Variants in SPATA31H1 observed in about 807,000 individuals in gnomAD.
SPATA31H1 encodes spermatogenesis-associated protein 31H1.
the SPATA31H1 span, among the ~76,000 whole-genome samples, chr2:27,543,262 C>T: frequency 6.6e-6 from 1 of 151,736 alleles, no homozygotes; most frequent in Non-Finnish European, 1.5e-5. Context: ...TTGTCAACCT[C>T]CTTAGGAACT....
the SPATA31H1 span, among the ~76,000 whole-genome samples, chr2:27,556,121 C>G: frequency 9.1e-6 from 1 of 110,040 alleles, no homozygotes; most frequent in South Asian, 2.9e-4. Context: ...ACGAGCTGGA[C>G]AAGACTCCAT....
At chr2:27,538,933 G>A in the SPATA31H1 span, among the ~76,000 whole-genome samples, 1 of 152,174 alleles carries the variant, frequency 6.6e-6, no homozygotes. Context: ...ACAGCAGTAA[G>A]TGGAAGAGAA....
At chr2:27,562,274 C>T in the SPATA31H1 span, among the ~76,000 whole-genome samples, 91 of 152,042 alleles carry the variant, frequency 6.0e-4, no homozygotes, top group African/African-American at 2.1e-3. Flanking sequence ...GTTCTTGAAA[C>T]ATTCCAAATG....
chr2:27,575,918 G>A, the SPATA31H1 span: 10 of 398,446 alleles, frequency 2.5e-5, no homozygotes, highest in Non-Finnish European at 4.0e-5. The surrounding 1 kb of genome is among the most constrained non-coding windows in gnomAD (Gnocchi z 4.1). Context: ...AAGGTATGAA[G>A]TGTTCTGAAT....
chr2:27,577,977 G>A, the SPATA31H1 span: 2 of 1,613,962 alleles, frequency 1.2e-6, no homozygotes, highest in East Asian at 2.2e-5. This position sits in a 1 kb window ranked among gnomAD's most constrained non-coding sequence, Gnocchi z 4.5. Flanking sequence ...AGGACCACTG[G>A]GTCGAATTGT....
chr2:27,577,862 T>C, the SPATA31H1 span: 1 of 1,614,070 alleles, frequency 6.2e-7, no homozygotes, highest in Non-Finnish European at 8.5e-7. The surrounding 1 kb of genome is among the most constrained non-coding windows in gnomAD (Gnocchi z 4.5). Flanking sequence ...TTATAGGACA[T>C]GAAGAATCTG....
chr2:27,582,391 G>A, the SPATA31H1 span: 1 of 1,614,114 alleles, frequency 6.2e-7, no homozygotes, highest in African/African-American at 1.3e-5. Context: ...CTTAAGGAGG[G>A]ACTCAAGTAC....
chr2:27,582,586 G>A, the SPATA31H1 span: 1 of 1,490,450 alleles, frequency 6.7e-7, no homozygotes. Flanking sequence ...CCCTTTCCAG[G>A]CTTCTTTCCT....
the SPATA31H1 span, chr2:27,577,079 T>C: frequency 3.1e-6 from 5 of 1,614,142 alleles, no homozygotes; most frequent in Non-Finnish European, 4.2e-6. The surrounding 1 kb of genome is among the most constrained non-coding windows in gnomAD (Gnocchi z 4.5). Flanking sequence ...GATTGGCATA[T>C]AAAGGCATAG....
the SPATA31H1 span, chr2:27,581,501 G>C: frequency 6.3e-7 from 1 of 1,581,730 alleles, no homozygotes; most frequent in Non-Finnish European, 8.7e-7. Flanking sequence ...GTCCCTCTCA[G>C]AGAAGACATC....
At chr2:27,581,617 CAG>C in the SPATA31H1 span, 1 of 1,602,906 alleles carries the variant, frequency 6.2e-7, no homozygotes, top group Non-Finnish European at 8.5e-7. Flanking sequence ...CGCGGTCCCT[CAG>C]AGAGAAGCCA....
chr2:27,579,035 A>G, the SPATA31H1 span: 3 of 1,614,080 alleles, frequency 1.9e-6, no homozygotes, highest in Non-Finnish European at 2.5e-6. Context: ...TGGATGTAAT[A>G]TCTAAAGAGA....
At chr2:27,551,518 C>T in the SPATA31H1 span, among the ~76,000 whole-genome samples, 5 of 152,060 alleles carry the variant, frequency 3.3e-5, no homozygotes, top group East Asian at 9.7e-4. Context: ...GAAATCGGCT[C>T]ACAAAATTGT....
the SPATA31H1 span, chr2:27,581,043 T>A: frequency 1.2e-6 from 2 of 1,614,014 alleles, no homozygotes; most frequent in African/African-American, 2.7e-5. Context: ...GAAAAACTTC[T>A]ATAGAAATGA....
the SPATA31H1 span, among the ~76,000 whole-genome samples, chr2:27,560,482 G>A: frequency 6.7e-6 from 1 of 149,514 alleles, no homozygotes; most frequent in Non-Finnish European, 1.5e-5. Context: ...TTTTGAGATG[G>A]AGTCTTGCTC....
At chr2:27,552,546 C>T in the SPATA31H1 span, among the ~76,000 whole-genome samples, 27 of 151,934 alleles carry the variant, frequency 1.8e-4, no homozygotes, top group Admixed American at 1.6e-3. Flanking sequence ...TGTTCTTTTT[C>T]AAGATTGTTT....
chr2:27,554,124 T>G, the SPATA31H1 span, among the ~76,000 whole-genome samples: 2 of 152,026 alleles, frequency 1.3e-5, no homozygotes, highest in African/African-American at 4.8e-5. Flanking sequence ...TGTGCATATT[T>G]CTACAAACAT....
the SPATA31H1 span, among the ~76,000 whole-genome samples, chr2:27,547,992 T>C: frequency 6.8e-6 from 1 of 147,358 alleles, no homozygotes; most frequent in African/African-American, 2.5e-5. Context: ...TTTTTTTTTT[T>C]TTTTTTTGAG....
the SPATA31H1 span, among the ~76,000 whole-genome samples, chr2:27,562,119 A>G: frequency 1.3e-5 from 2 of 152,128 alleles, no homozygotes; most frequent in Non-Finnish European, 2.9e-5. Context: ...CCATTGGTCT[A>G]TGTGTTCCTG....
Sources: gnomAD v4.1 joint callset for allele counts (sites outside exome capture counted in the v4.1 genomes callset) on GRCh38, gnomAD v4.1.1 for gene constraint, Gnocchi (gnomAD v3.1) non-coding constraint, MANE v1.5 for transcripts, NCBI Gene and HGNC (gene_info 2026-07-23, HGNC 2026-07-21) for gene names.